Variants in NUDC observed in about 807,000 individuals in gnomAD.
NUDC encodes the protein nuclear migration protein nudC.
In NUDC, 14 loss-of-function variants were observed where a neutral mutation model predicts 45.0. That is an observed-to-expected ratio of 0.31 (90% CI 0.21 to 0.49). The LOEUF (loss-of-function observed/expected upper bound fraction) is 0.49, where lower values mean the gene tolerates loss of function less well. Among genes scored for constraint, NUDC ranks in the 20% least tolerant of loss-of-function variants. NUDC has a pLI of 0.99. For synonymous variants in NUDC, 153 were observed against 156.7 expected, an observed-to-expected ratio of 0.98 and a Z score of 0.17; for missense variants, 323 against 426.2, an observed-to-expected ratio of 0.76 and a Z score of 2.13.
intron 2 of NUDC, among the ~76,000 whole-genome samples, chr1:26,929,416 A>C (rs181584858): frequency 3.0e-3 from 449 of 151,066 alleles, no homozygotes; most frequent in African/African-American, 0.01. Flanking sequence ...GAAAAAACAA[A>C]AAAAAAAAAC....
upstream of NUDC, chr1:26,900,220 C>T: frequency 1.9e-6 from 3 of 1,614,110 alleles, no homozygotes; most frequent in Non-Finnish European, 2.5e-6. Context: ...AGAAGCTGGC[C>T]CTCAGCGGCT....
At chr1:26,927,117 G>A (rs2082138818) in intron 2 of NUDC, among the ~76,000 whole-genome samples, 1 of 152,176 alleles carries the variant, frequency 6.6e-6, no homozygotes, top group African/African-American at 2.4e-5. Flanking sequence ...GGGGCTCAGA[G>A]AAGACTTTGT....
At chr1:26,941,946 C>G in intron 4 of NUDC, 128 bp downstream of exon 4, 3 of 894,554 alleles carry the variant, frequency 3.4e-6, no homozygotes, top group Non-Finnish European at 5.5e-6. Context: ...TGGGAATCTT[C>G]CCCATACTTT....
chr1:26,933,745 C>CT (rs2082202650), intron 2 of NUDC, among the ~76,000 whole-genome samples: 1 of 152,110 alleles, frequency 6.6e-6, no homozygotes, highest in Non-Finnish European at 1.5e-5. Flanking sequence ...ATGCCATGAT[C>CT]TTTTCCATAG....
chr1:26,904,030 A>T (rs2081992144), intron 2 of NUDC, among the ~76,000 whole-genome samples: 6 of 118,962 alleles, frequency 5.0e-5, no homozygotes, highest in Admixed American at 7.8e-5. Context: ...AAATAAATAA[A>T]TAAATTAAAT....
chr1:26,902,702 A>G (rs181399680), intron 2 of NUDC, among the ~76,000 whole-genome samples: 2 of 151,818 alleles, frequency 1.3e-5, no homozygotes, highest in Admixed American at 1.3e-4. Flanking sequence ...GTGAGCCATG[A>G]TTGTGCCATG....
chr1:26,904,320 G>T (rs915723027), intron 2 of NUDC, among the ~76,000 whole-genome samples: 1 of 150,954 alleles, frequency 6.6e-6, no homozygotes, highest in African/African-American at 2.4e-5. Flanking sequence ...CTACAGGCAA[G>T]CACCACACCC....
At chr1:26,931,377 CTTTTTTT>C (rs796368735) in intron 2 of NUDC, among the ~76,000 whole-genome samples, 1 of 76,924 alleles carries the variant, frequency 1.3e-5, no homozygotes, top group Non-Finnish European at 2.6e-5. Flanking sequence ...TGCGCCTGGC[CTTTTTTT>C]TTTTTTTTTT....
At chr1:26,930,121 C>G (rs965778841) in intron 2 of NUDC, among the ~76,000 whole-genome samples, 22 of 152,282 alleles carry the variant, frequency 1.4e-4, no homozygotes, top group African/African-American at 4.8e-4. Context: ...TACCAGAGAT[C>G]CACATCCAGT....
chr1:26,935,981 G>A (rs1570737984), intron 2 of NUDC, among the ~76,000 whole-genome samples: 2 of 143,588 alleles, frequency 1.4e-5, no homozygotes, highest in East Asian at 4.1e-4. Context: ...AAAATGTTTT[G>A]TTTTTTTTTG....
At chr1:26,917,444 C>A (rs185135966), upstream of NUDC, among the ~76,000 whole-genome samples, 3 of 152,016 alleles carry the variant, frequency 2.0e-5, no homozygotes, top group East Asian at 5.8e-4. Flanking sequence ...CGCCTGTAGT[C>A]CCAGCTTTTC....
intron 2 of NUDC, among the ~76,000 whole-genome samples, chr1:26,937,655 ATTTG>A (rs933116293): frequency 4.0e-5 from 6 of 151,012 alleles, no homozygotes; most frequent in African/African-American, 1.5e-4. Flanking sequence ...ATTTCTATTT[ATTTG>A]TTTGTTTTTT....
At chr1:26,944,508 TA>T (rs1238663761) in intron 6 of NUDC, among the ~76,000 whole-genome samples, 3 of 152,054 alleles carry the variant, frequency 2.0e-5, no homozygotes, top group Non-Finnish European at 2.9e-5. Context: ...CTTCCCTGCT[TA>T]AAAACTTTTT....
chr1:26,903,062 A>G (rs1327787172), intron 2 of NUDC, among the ~76,000 whole-genome samples: 1 of 152,060 alleles, frequency 6.6e-6, no homozygotes, highest in East Asian at 1.9e-4. Flanking sequence ...AAAAAAAAAA[A>G]AATTATAATA....
At chr1:26,914,094 T>C in intron 3 of NUDC, 1 of 564,064 alleles carries the variant, frequency 1.8e-6, no homozygotes, top group Non-Finnish European at 2.7e-6. Flanking sequence ...ACATTGCCCC[T>C]GGCAGGAATG....
chr1:26,942,866 T>C lies in NUDC; in HGVS notation c.547-5T>C, dbSNP rs755665481. 1.2e-6 allele frequency: 2 copies of C among 1,613,816 alleles called. No individual in the cohort carries two copies. Among genetic ancestry groups the C allele is most frequent in the African/African-American group, 2.7e-5 (2 of 75,036 alleles). ...GCCTCTTCTGACTGCCTCTGCCCTA[T>C]GCAGCTGGCGGTCCCTTTCTGTGTG... is the stretch of plus-strand genomic sequence containing the variant. On this transcript the variant is annotated splice_polypyrimidine_tract_variant and splice_region_variant and intron_variant, in intron 5 of 8. Transcript: ENST00000321265.
chr1:26,938,400 G>A (rs2082251060), intron 2 of NUDC, among the ~76,000 whole-genome samples: 1 of 152,178 alleles, frequency 6.6e-6, no homozygotes, highest in Non-Finnish European at 1.5e-5. Context: ...GCCACTGGTT[G>A]GCAAATGCCT....
intron 2 of NUDC, among the ~76,000 whole-genome samples, chr1:26,905,089 C>T (rs1323754079): frequency 1.3e-5 from 2 of 150,458 alleles, no homozygotes; most frequent in Non-Finnish European, 1.5e-5. Flanking sequence ...CCGCCCACCT[C>T]GGCCTCCCAA....
chr1:26,910,975 G>T (rs2082022911), intron 2 of NUDC, among the ~76,000 whole-genome samples: 1 of 140,446 alleles, frequency 7.1e-6, no homozygotes, highest in South Asian at 2.6e-4. Context: ...TCATGGAAGG[G>T]TTTCAGACTT....
Sources: allele counts gnomAD v4.1 joint callset (sites outside exome capture counted in the v4.1 genomes callset), GRCh38; gene constraint gnomAD v4.1.1; transcripts MANE v1.5; gene names NCBI Gene and HGNC (gene_info 2026-07-23, HGNC 2026-07-21).